CNTN4: variants seen among roughly 807,000 people sequenced by gnomAD.
CNTN4 encodes the protein contactin-4.
Under a neutral mutation model 122.5 loss-of-function variants are expected in CNTN4, and 77 were observed. That is an observed-to-expected ratio of 0.63 (90% CI 0.52 to 0.76). The LOEUF (loss-of-function observed/expected upper bound fraction) is 0.76. Ranked by LOEUF, CNTN4 falls within the 30% of genes least tolerant of loss-of-function variation. The pLI, the probability that CNTN4 is intolerant of heterozygous loss-of-function variation, is 0.00. For synonymous variants in CNTN4, 512 were observed against 447.0 expected (o/e 1.15, Z -1.83); for missense variants, 1,256 against 1,259.1 (o/e 1.00, Z 0.04).
At chr3:2,910,347 A>C (rs2094286791) in intron 12 of CNTN4, among the ~76,000 whole-genome samples, 1 of 152,230 alleles carries the variant, frequency 6.6e-6, no homozygotes, top group Non-Finnish European at 1.5e-5. Flanking sequence ...CAATCCTATA[A>C]CCAAAATATC....
chr3:2,876,311 A>G (rs2093844195), intron 8 of CNTN4, among the ~76,000 whole-genome samples: 2 of 152,234 alleles, frequency 1.3e-5, no homozygotes, highest in South Asian at 4.1e-4. Context: ...AGGGGAAAAC[A>G]TGCCTTTTTT....
At chr3:2,814,385 G>A (rs996867703) in intron 6 of CNTN4, among the ~76,000 whole-genome samples, 1 of 152,160 alleles carries the variant, frequency 6.6e-6, no homozygotes, top group African/African-American at 2.4e-5. Context: ...TAATTGTTTA[G>A]CTACCTTCCT....
At chr3:2,479,230 A>G (rs1319941364) in intron 3 of CNTN4, among the ~76,000 whole-genome samples, 1 of 152,180 alleles carries the variant, frequency 6.6e-6, no homozygotes, top group Non-Finnish European at 1.5e-5. Flanking sequence ...TACCATTTCT[A>G]TAGCCTTTTA....
At chr3:2,472,248 C>T (rs2075707913) in intron 3 of CNTN4, among the ~76,000 whole-genome samples, 1 of 151,524 alleles carries the variant, frequency 6.6e-6, no homozygotes, top group Admixed American at 6.6e-5. Flanking sequence ...TTTGTTCATT[C>T]ATTTGTTTTT....
At chr3:2,705,838 T>TAA (rs1559409086) in intron 4 of CNTN4, among the ~76,000 whole-genome samples, 42 of 103,678 alleles carry the variant, frequency 4.1e-4, no homozygotes, top group African/African-American at 1.6e-3. Context: ...ATATATATAA[T>TAA]ATATAATATA....
chr3:2,789,901 A>G (rs1278954543), intron 6 of CNTN4, among the ~76,000 whole-genome samples: 9 of 152,214 alleles, frequency 5.9e-5, no homozygotes, highest in Admixed American at 5.2e-4. Context: ...TCTGGTTACA[A>G]TAGACTAGAA....
At chr3:2,314,253 C>T (rs960561019) in intron 2 of CNTN4, among the ~76,000 whole-genome samples, 1 of 151,892 alleles carries the variant, frequency 6.6e-6, no homozygotes, top group African/African-American at 2.4e-5. Context: ...CATGCACACA[C>T]ATACATATGT....
intron 9 of CNTN4, among the ~76,000 whole-genome samples, chr3:2,885,571 C>A (rs969473860): frequency 6.6e-6 from 1 of 152,170 alleles, no homozygotes; most frequent in Non-Finnish European, 1.5e-5. Flanking sequence ...TTTCTACTAT[C>A]ATTTATTCAT....
chr3:2,523,396 A>C (rs972418941), intron 3 of CNTN4, among the ~76,000 whole-genome samples: 1 of 151,630 alleles, frequency 6.6e-6, no homozygotes, highest in East Asian at 1.9e-4. Context: ...TATTTGTGAC[A>C]TGATGACAGC....
At chr3:2,832,494 A>C (rs1280244976) in intron 7 of CNTN4, among the ~76,000 whole-genome samples, 2 of 152,208 alleles carry the variant, frequency 1.3e-5, no homozygotes, top group Non-Finnish European at 2.9e-5. Flanking sequence ...TTGGGGAGTC[A>C]GAGAAGGCTT....
At chr3:2,516,742 A>G (rs2077049825) in intron 3 of CNTN4, among the ~76,000 whole-genome samples, 1 of 152,154 alleles carries the variant, frequency 6.6e-6, no homozygotes, top group Non-Finnish European at 1.5e-5. Context: ...GCTGCAAAGG[A>G]ATAAAGTGTT....
At chr3:2,793,456 C>T (rs1420437432) in intron 6 of CNTN4, among the ~76,000 whole-genome samples, 1 of 151,946 alleles carries the variant, frequency 6.6e-6, no homozygotes, top group East Asian at 1.9e-4. Context: ...GAACAAAGAA[C>T]TTTGAGTTTT....
chr3:2,367,339 T>C (rs1386363165), intron 3 of CNTN4, among the ~76,000 whole-genome samples: 1 of 152,206 alleles, frequency 6.6e-6, no homozygotes, highest in Non-Finnish European at 1.5e-5. Context: ...ACTAGTGCTG[T>C]ATTTGTAAGA....
At chr3:3,006,036 C>A (rs905885615) in intron 14 of CNTN4, among the ~76,000 whole-genome samples, 4 of 151,962 alleles carry the variant, frequency 2.6e-5, no homozygotes, top group Non-Finnish European at 4.4e-5. Flanking sequence ...CAGGCGCCCA[C>A]CCCCACGCTC....
intron 3 of CNTN4, among the ~76,000 whole-genome samples, chr3:2,552,335 TCTTTTGA>T (rs1469829418): frequency 6.6e-6 from 1 of 152,200 alleles, no homozygotes; most frequent in Non-Finnish European, 1.5e-5. Flanking sequence ...CAACTTCACT[TCTTTTGA>T]CTTTTAAAGA....
At chr3:2,903,630 C>T (rs1297052147) in intron 12 of CNTN4, among the ~76,000 whole-genome samples, 3 of 152,206 alleles carry the variant, frequency 2.0e-5, no homozygotes, top group Admixed American at 1.3e-4. Flanking sequence ...TTCGCATCTT[C>T]CATCTTCATT....
At chr3:2,627,546 T>G (rs1342794988) in intron 4 of CNTN4, among the ~76,000 whole-genome samples, 6 of 137,768 alleles carry the variant, frequency 4.4e-5, no homozygotes, top group Admixed American at 8.4e-5. Context: ...CAGGCTGGAG[T>G]GTAGTAGCGC....
chr3:2,664,806 A>C (rs1325679488), intron 4 of CNTN4, among the ~76,000 whole-genome samples: 4 of 152,216 alleles, frequency 2.6e-5, no homozygotes, highest in African/African-American at 9.6e-5. Context: ...GCGATGACAC[A>C]AACAGATTTC....
At chr3:2,803,558 CTT>C (rs34822164) in intron 6 of CNTN4, among the ~76,000 whole-genome samples, 259 of 140,654 alleles carry the variant, frequency 1.8e-3, no homozygotes, top group African/African-American at 6.1e-3. Context: ...GTGGTAAATT[CTT>C]TTTTTTTTTT....
Sources: gnomAD v4.1 joint callset for allele counts (sites outside exome capture counted in the v4.1 genomes callset) on GRCh38, gnomAD v4.1.1 for gene constraint, MANE v1.5 for transcripts, NCBI Gene and HGNC (gene_info 2026-07-23, HGNC 2026-07-21) for gene names.